The following ZFAT variants were observed in gnomAD, a reference collection of about 807,000 sequenced individuals.
ZFAT encodes the protein zinc finger protein ZFAT.
Under a neutral mutation model 117.7 loss-of-function variants are expected in ZFAT, and 64 were observed. The observed-to-expected ratio is 0.54, with a 90% CI of 0.44 to 0.67. The LOEUF (loss-of-function observed/expected upper bound fraction) is 0.67, where lower values mean the gene tolerates loss of function less well. ZFAT is among the 30% of genes least tolerant of loss of function. The pLI is 0.00. For synonymous variants in ZFAT, 679 were observed against 615.0 expected (o/e 1.10, Z -1.54); for missense variants, 1,433 against 1,584.5 (o/e 0.90, Z 1.62).
chr8:134,759,441 T>C, the ZFAT span, among the ~76,000 whole-genome samples: 4 of 152,186 alleles, frequency 2.6e-5, no homozygotes, highest in Non-Finnish European at 5.9e-5. Flanking sequence ...ACCCCAAGAT[T>C]CCTATTATCT....
intron 13 of ZFAT, among the ~76,000 whole-genome samples, chr8:134,520,248 G>A (rs1399744370): frequency 1.3e-5 from 2 of 152,190 alleles, no homozygotes; most frequent in Non-Finnish European, 2.9e-5. Flanking sequence ...TAAACAGCCT[G>A]TAGGGCACAG....
chr8:134,554,160 A>G (rs1300259403), intron 11 of ZFAT, among the ~76,000 whole-genome samples: 1 of 152,024 alleles, frequency 6.6e-6, no homozygotes, highest in Non-Finnish European at 1.5e-5. Context: ...CTTGCTCCTG[A>G]CTCCCAGCTT....
chr8:134,567,492 CATCCATCA>C lies in ZFAT; in HGVS notation c.2888-2079_2888-2072del, dbSNP rs781091141. On this transcript the variant is annotated intron_variant, in intron 10 of 15. Transcript: ENST00000377838. Reference sequence around the variant, plus strand: ...CCATCCATCCATCCATCCATCCATCCATCCATCAACCATAATCCACCCATCTATCCACA... The same window carrying C: ...CCATCCATCCATCCATCCATCCATCCACCATAATCCACCCATCTATCCACA... Among the ~76,000 whole-genome samples, 76 of 149,938 alleles carry C rather than the reference CATCCATCA, an allele frequency of 5.1e-4. No homozygotes were observed. The South Asian group carries it at 0.014, about 27-fold the overall frequency.
chr8:134,674,152 G>C (rs542864804), intron 1 of ZFAT, among the ~76,000 whole-genome samples: 75 of 152,320 alleles, frequency 4.9e-4, no homozygotes, highest in African/African-American at 1.8e-3. Context: ...CCTCACCTGG[G>C]AAGCACAAGG....
chr8:134,696,763 C>T (rs1006688113), intron 1 of ZFAT, among the ~76,000 whole-genome samples: 3 of 152,214 alleles, frequency 2.0e-5, no homozygotes, highest in African/African-American at 7.2e-5. Flanking sequence ...CCGCCCCCAC[C>T]CAGCAGGGGT....
intron 12 of ZFAT, among the ~76,000 whole-genome samples, chr8:134,530,640 A>G (rs1015030161): frequency 6.6e-6 from 1 of 152,236 alleles, no homozygotes; most frequent in African/African-American, 2.4e-5. Flanking sequence ...ATACATACAT[A>G]TGCATACACG....
chr8:134,613,619 T>C (rs1828508927), intron 3 of ZFAT, among the ~76,000 whole-genome samples: 1 of 152,014 alleles, frequency 6.6e-6, no homozygotes, highest in South Asian at 2.1e-4. Flanking sequence ...CCAATACCCG[T>C]CCCTCCTGGA....
chr8:134,790,597 T>C, the ZFAT span, among the ~76,000 whole-genome samples: 1 of 152,348 alleles, frequency 6.6e-6, no homozygotes, highest in Admixed American at 6.5e-5. Flanking sequence ...AGTTCACAAC[T>C]GCCTCACACC....
intron 3 of ZFAT, among the ~76,000 whole-genome samples, chr8:134,614,056 ATCC>A (rs1828546406): frequency 6.6e-6 from 1 of 152,158 alleles, no homozygotes; most frequent in Non-Finnish European, 1.5e-5. Flanking sequence ...TCTCCGAACC[ATCC>A]TCCTCCACCT....
chr8:134,617,823 C>T (rs148700287), intron 3 of ZFAT, among the ~76,000 whole-genome samples: 4 of 152,174 alleles, frequency 2.6e-5, no homozygotes, highest in Admixed American at 6.5e-5. Flanking sequence ...TAGTCTCGAC[C>T]GTGATTACTG....
intron 15 of ZFAT, among the ~76,000 whole-genome samples, chr8:134,485,255 G>C (rs1410319077): frequency 6.6e-6 from 1 of 152,194 alleles, no homozygotes; most frequent in African/African-American, 2.4e-5. Context: ...CTCTGAGCCT[G>C]ATGGTCCCAG....
intron 1 of ZFAT, among the ~76,000 whole-genome samples, chr8:134,700,059 C>T (rs116497797): frequency 0.018 from 2,735 of 152,312 alleles, 90 homozygotes; most frequent in African/African-American, 0.061. Flanking sequence ...CTGAGTTCAA[C>T]GTGGGCTTGC....
At chr8:134,690,299 C>G (rs1833526765) in intron 1 of ZFAT, among the ~76,000 whole-genome samples, 1 of 152,200 alleles carries the variant, frequency 6.6e-6, no homozygotes, top group Non-Finnish European at 1.5e-5. Flanking sequence ...GACTTAGAAC[C>G]TGCAGACCAA....
At chr8:134,525,528 T>C (rs962397663) in intron 12 of ZFAT, among the ~76,000 whole-genome samples, 1 of 152,246 alleles carries the variant, frequency 6.6e-6, no homozygotes, top group Non-Finnish European at 1.5e-5. Flanking sequence ...GGCCCACATT[T>C]AGTCATCTCC....
chr8:134,712,040 C>A (rs1176915465), intron 1 of ZFAT, among the ~76,000 whole-genome samples: 1 of 152,188 alleles, frequency 6.6e-6, no homozygotes, highest in Non-Finnish European at 1.5e-5. Flanking sequence ...TCAGTTAGCG[C>A]GTTCGTTCTT....
intron 5 of ZFAT, among the ~76,000 whole-genome samples, chr8:134,604,503 C>T (rs1212967635): frequency 6.6e-6 from 1 of 152,210 alleles, no homozygotes; most frequent in Non-Finnish European, 1.5e-5. Context: ...CAGGGACAGG[C>T]ACTGACAGAT....
intron 13 of ZFAT, among the ~76,000 whole-genome samples, chr8:134,518,054 T>C (rs1291936867): frequency 6.6e-6 from 1 of 152,222 alleles, no homozygotes; most frequent in East Asian, 1.9e-4. Context: ...TGTGAATATC[T>C]CATTTCTCCT....
intron 5 of ZFAT, among the ~76,000 whole-genome samples, chr8:134,605,540 C>A (rs577140634): frequency 1.3e-5 from 2 of 148,988 alleles, no homozygotes; most frequent in South Asian, 2.1e-4. Flanking sequence ...AGCCACAGAG[C>A]CAGACCCCAT....
the ZFAT span, among the ~76,000 whole-genome samples, chr8:134,768,977 AGCC>A: frequency 6.6e-6 from 1 of 152,200 alleles, no homozygotes; most frequent in Non-Finnish European, 1.5e-5. Flanking sequence ...GTTCAAGATC[AGCC>A]TGGCTGACAT....
Sources: allele counts gnomAD v4.1 joint callset (sites outside exome capture counted in the v4.1 genomes callset), GRCh38; gene constraint gnomAD v4.1.1; transcripts MANE v1.5; gene names NCBI Gene and HGNC (gene_info 2026-07-23, HGNC 2026-07-21).